The following LRRC4 variants were observed in gnomAD, a reference collection of about 807,000 sequenced individuals.
LRRC4 encodes the protein leucine-rich repeat-containing protein 4.
Under a neutral mutation model 37.9 loss-of-function variants are expected in LRRC4, and 11 were observed. The ratio of observed to expected loss-of-function variants is 0.29; its 90% confidence interval spans 0.18 to 0.48. The LOEUF (loss-of-function observed/expected upper bound fraction) is 0.48, where lower values mean the gene tolerates loss of function less well. LRRC4 is among the 20% of genes least tolerant of loss of function. The pLI is 0.99. For missense variants in LRRC4, 717 were observed against 842.1 expected (o/e 0.85, Z 1.84); for synonymous variants, 404 against 346.7 (o/e 1.17, Z -1.84).
chr7:128,030,146 G>GT lies in LRRC4; in HGVS notation c.494dup (p.Tyr165Ter). ...RNNPIESIPS[Y>*]AFNRVPSLMR... is the part of the protein sequence containing the mutation. ...TGAGGGAGGGCACCCGGTTGAAGGCGTAAGAGGGGATGCTTTCGATGGGGT... is the reference window on the plus strand; with the variant it reads ...TGAGGGAGGGCACCCGGTTGAAGGCGTTAAGAGGGGATGCTTTCGATGGGGT... Residue 165 changes from tyrosine to a stop codon, truncating the protein, a stop_gained and frameshift_variant, in exon 2 of 2, where the codon TAC becomes TAAC. Coordinates refer to ENST00000249363, the MANE Select transcript of LRRC4 (RefSeq NM_022143.5). LOFTEE classifies it high-confidence loss of function. 6.2e-7 allele frequency: 1 copy of GT among 1,614,214 alleles called. No individual in the cohort carries two copies. The highest frequency in any genetic ancestry group is 8.5e-7 in the Non-Finnish European group (1 of 1,180,042).
chr7:128,029,642 C>T lies in LRRC4; in HGVS notation c.999G>A (p.Met333Ile), dbSNP rs1231926311. 12 of 1,613,992 alleles carry T rather than the reference C, an allele frequency of 7.4e-6. No individual in the cohort carries two copies. Among genetic ancestry groups the T allele is most frequent in the Non-Finnish European group, 9.3e-6 (11 of 1,179,994 alleles). Residue 333 changes from methionine to isoleucine, a missense_variant, in exon 2 of 2, where the codon ATG (methionine) becomes ATA (isoleucine). By Grantham distance (10) the Met-to-Ile change is conservative. Coordinates refer to ENST00000249363, the MANE Select transcript of LRRC4 (RefSeq NM_022143.5). The surrounding 1 kb of genome is among the most constrained non-coding windows in gnomAD (Gnocchi z 4.2). The stretch of plus-strand genomic sequence containing the variant: ...CCACGAGGTAGCGGCCTCGCATGTG[C>T]ATGGGAGCATGACAGCGGCCACAGC... ...STCCGRCHAP[M>I]HMRGRYLVEV... is the part of the protein sequence containing the mutation.
In LRRC4 at chr7:128,030,622, C is replaced by A. The variant is rs1360377513; in HGVS notation, c.19G>T (p.Val7Leu). ...TTCCAGGTGTGGTGGTGCACAGTTA[C>A]CTGCCACAAGAGCTTCATGGTGTGG... MKLLWQ[V>L]TVHHHTWNAI... Residue 7 changes from valine to leucine, a missense_variant, in exon 2 of 2, where the codon GTA becomes TTA. By Grantham distance (32) the Val-to-Leu change is conservative (BLOSUM62 1). Around this residue, in one of 5 missense-constraint regions of LRRC4, gnomAD observed 127 missense variants for 134.8 expected, o/e 0.94. Transcript: ENST00000249363. 1.9e-6 allele frequency: 3 copies of A among 1,565,530 alleles called. No homozygotes were observed. In the South Asian group the frequency reaches 3.6e-5, roughly 19 times the overall value.
In LRRC4 at chr7:128,029,996, G is replaced by T; in HGVS notation, c.645C>A (p.Thr215=). 1 of 1,613,146 alleles carries T rather than the reference G, an allele frequency of 6.2e-7. No individual in the cohort carries two copies. Among genetic ancestry groups the T allele is most frequent in the Non-Finnish European group, 8.5e-7 (1 of 1,180,032 alleles). Residue 215 remains threonine (T), a synonymous_variant, in exon 2 of 2, where the codon ACC becomes ACA. Coordinates refer to ENST00000249363, the MANE Select transcript of LRRC4 (RefSeq NM_022143.5). This position sits in a 1 kb window ranked among gnomAD's most constrained non-coding sequence, Gnocchi z 4.2. ...MCNIKDMPNL[T]PLVGLEELEM... is the part of the protein sequence containing the mutation. ...CCAGCTCCTCCAGCCCCACCAGGGG[G>T]GTGAGATTGGGCATGTCTTTAATGT...
chr7:128,027,780 AT>A lies in LRRC4; in HGVS notation c.*898del, dbSNP rs1803520588. 1.3e-5 allele frequency: 2 copies of A among 152,174 alleles called. No homozygotes were observed. The highest frequency in any genetic ancestry group is 3.8e-4 in the East Asian group (2 of 5,196). 9.4% of individuals were successfully genotyped at this position (152,174 alleles called of 1,614,324 possible). A position where few individuals can be genotyped will look rare whatever the true frequency, so the allele number is the denominator to read the frequency against. ...CTAATTTATGGCCTCCTGTGAATAC[AT>A]TCTCTCTGCTTTACCCTCCCTTCCC... On this transcript the variant is annotated 3_prime_UTR_variant, in exon 2 of 2. Transcript: ENST00000249363.
chr7:128,030,608 G>A lies in LRRC4; in HGVS notation c.33C>T (p.His11=). 1 of 1,578,568 alleles carries A rather than the reference G, an allele frequency of 6.3e-7. No homozygotes were observed. Among genetic ancestry groups the A allele is most frequent in the Non-Finnish European group, 8.6e-7 (1 of 1,158,436 alleles). The change falls in exon 2 of 2, where the codon CAC becomes CAT. Residue 11 remains histidine, a synonymous_variant. Transcript: ENST00000249363. MKLLWQVTVH[H]HTWNAILLPF... ...GGAGCAGGATGGCATTCCAGGTGTG[G>A]TGGTGCACAGTTACCTGCCACAAGA... is the stretch of plus-strand genomic sequence containing the variant.
In LRRC4 at chr7:128,028,462, G is replaced by A; in HGVS notation, c.*217C>T. 2.1e-6 allele frequency: 1 copy of A among 466,390 alleles called. No individual in the cohort carries two copies. 28.9% of individuals were successfully genotyped at this position (466,390 alleles called of 1,614,324 possible). On this transcript the variant is annotated 3_prime_UTR_variant, in exon 2 of 2. Coordinates refer to ENST00000249363, the MANE Select transcript of LRRC4 (RefSeq NM_022143.5). The stretch of plus-strand genomic sequence containing the variant: ...GGCTTGTACCCCACAACGTTCCCAA[G>A]ATTCCCCCCCACCCCCTTTAAATAG...
At chr7:128,032,056 GCCACGCAGA>G (rs1792632241), upstream of LRRC4, 1 of 151,890 alleles carries the variant, frequency 6.6e-6, no homozygotes, top group African/African-American at 2.4e-5. Flanking sequence ...GCAGGCGGCA[GCCACGCAGA>G]CTGCTCTCTC....
upstream of LRRC4, among the ~76,000 whole-genome samples, chr7:128,031,783 C>A (rs1584751247): frequency 6.9e-6 from 1 of 145,590 alleles, no homozygotes; most frequent in Non-Finnish European, 1.5e-5. Context: ...CGCCCGTCGC[C>A]GCCCGCCGCT....
At chr7:128,031,497 A>C (rs1401251226), upstream of LRRC4, 3 of 150,982 alleles carry the variant, frequency 2.0e-5, no homozygotes, top group Non-Finnish European at 3.0e-5. Flanking sequence ...CGCCCTCCCC[A>C]GACACACACC....
chr7:128,028,997 A>G lies in LRRC4; in HGVS notation c.1644T>C (p.Tyr548=). The G allele has an allele frequency of 1.9e-6, 3 of 1,613,152 alleles. No homozygotes were observed. In the East Asian group the frequency reaches 6.7e-5, roughly 36 times the overall value. The change falls in exon 2 of 2, where the codon TAT becomes TAC. Residue 548 remains tyrosine, a synonymous_variant. Transcript: ENST00000249363. ...LLAAAMLIVF[Y]KLRKRHQQRS... Reference sequence around the variant, plus strand: ...GCTGCTGGTGCCGCTTACGAAGTTTATAGAAGACAATCAACATGGCGGCAG... The same window carrying G: ...GCTGCTGGTGCCGCTTACGAAGTTTGTAGAAGACAATCAACATGGCGGCAG...
Position 128,029,418 on chromosome 7 carries a change from G to A in LRRC4, c.1223C>T (p.Thr408Ile), listed in dbSNP as rs1322619380. The A allele has an allele frequency of 5.0e-6, 8 of 1,614,180 alleles. No individual in the cohort carries two copies. In the Admixed American group the frequency reaches 1.3e-4, roughly 27 times the overall value. ...HPRISVLNDG[T>I]LNFSHVLLSD... The stretch of plus-strand genomic sequence containing the variant: ...AAGCAGCACGTGGGAAAAGTTCAAG[G>A]TGCCGTCGTTGAGGACAGAGATCCT... Residue 408 changes from threonine (T) to isoleucine (I), a missense_variant, in exon 2 of 2, where the codon ACC becomes ATC. Thr to Ile is a moderately conservative substitution (Grantham distance 89, BLOSUM62 -1). Transcript: ENST00000249363. This position sits in a 1 kb window ranked among gnomAD's most constrained non-coding sequence, Gnocchi z 4.2.
rs1156618008 is a variant in LRRC4 at position 128,030,143 on chromosome 7, G to A, written c.498C>T (p.Ala166=). The A allele has an allele frequency of 6.8e-6, 11 of 1,614,106 alleles. No individual in the cohort carries two copies. The highest frequency in any genetic ancestry group is 4.5e-5 in the East Asian group (2 of 44,892). ...GCATGAGGGAGGGCACCCGGTTGAA[G>A]GCGTAAGAGGGGATGCTTTCGATGG... ...NNPIESIPSY[A]FNRVPSLMRL... The change falls in exon 2 of 2, where the codon GCC becomes GCT. Residue 166 remains alanine (A), a synonymous_variant. Transcript: ENST00000249363.
Position 128,029,189 on chromosome 7 carries a change from C to T in LRRC4, c.1452G>A (p.Gln484=), listed in dbSNP as rs1004638703. ...CCGTGGTAGAGGTGGTATATGCCGG[C>T]TGGTAACCAGTGGACGTGGTAGGAA... ...KPVPTTSTGY[Q]PAYTTSTTVL... The change falls in exon 2 of 2, where the codon CAG becomes CAA. Residue 484 remains glutamine (Q), a synonymous_variant. Transcript: ENST00000249363. The surrounding 1 kb of genome is among the most constrained non-coding windows in gnomAD (Gnocchi z 4.2). The T allele has an allele frequency of 3.1e-6, 5 of 1,614,120 alleles. No homozygotes were observed. The highest frequency in any genetic ancestry group is 4.2e-6 in the Non-Finnish European group (5 of 1,180,038).
At chr7:128,032,059 A>G (rs1792632295), upstream of LRRC4, 2 of 151,846 alleles carry the variant, frequency 1.3e-5, no homozygotes, top group Non-Finnish European at 2.9e-5. Context: ...GGCGGCAGCC[A>G]CGCAGACTGC....
rs925336287 is a variant in LRRC4, at chr7:128,031,266, G to A, written c.-454C>T. Among the ~76,000 whole-genome samples the A allele has an allele frequency of 6.6e-5, 10 of 152,002 alleles. No homozygotes were observed. The highest frequency in any genetic ancestry group is 2.4e-4 in the African/African-American group (10 of 41,420). ...CCTGGCACCGGCTCGCTCCAGCCGCGGGGGAAGGCGCTTCATCGCCAAAGT... is the reference window on the plus strand; with the variant it reads ...CCTGGCACCGGCTCGCTCCAGCCGCAGGGGAAGGCGCTTCATCGCCAAAGT... On this transcript the variant is annotated 5_prime_UTR_variant, in exon 1 of 2. Coordinates refer to ENST00000249363, the MANE Select transcript of LRRC4 (RefSeq NM_022143.5).
In LRRC4 at chr7:128,029,835, A is replaced by T; in HGVS notation, c.806T>A (p.Val269Glu). 1 of 1,613,568 alleles carries T rather than the reference A, an allele frequency of 6.2e-7. No individual in the cohort carries two copies. The highest frequency in any genetic ancestry group is 1.1e-5 in the South Asian group (1 of 91,084). ...RNAFDGLASL[V>E]ELNLAHNNLS... is the part of the protein sequence containing the mutation. ...GTTATTGTGGGCCAAGTTGAGTTCC[A>T]CAAGTGAAGCCAGCCCGTCAAAAGC... Residue 269 changes from valine (V) to glutamate (E), a missense_variant, in exon 2 of 2, where the codon GTG becomes GAG. Coordinates refer to ENST00000249363, the MANE Select transcript of LRRC4 (RefSeq NM_022143.5). This position sits in a 1 kb window ranked among gnomAD's most constrained non-coding sequence, Gnocchi z 4.2.
rs749404509 is a variant in LRRC4 at position 128,029,810 on chromosome 7, G to A, written c.831C>T (p.Asn277=). The A allele has an allele frequency of 9.3e-6, 15 of 1,613,640 alleles. No individual in the cohort carries two copies. Among genetic ancestry groups the A allele is most frequent in the East Asian group, 6.7e-5 (3 of 44,890 alleles). Residue 277 remains asparagine, a synonymous_variant, in exon 2 of 2, where the codon AAC becomes AAT. Transcript: ENST00000249363. The surrounding 1 kb of genome is among the most constrained non-coding windows in gnomAD (Gnocchi z 4.2). ...AGAGGTCATGGGGCAAAGAAGAGAG[G>A]TTATTGTGGGCCAAGTTGAGTTCCA... is the stretch of plus-strand genomic sequence containing the variant. The part of the protein sequence containing the change: ...SLVELNLAHN[N]LSSLPHDLFT...
Position 128,028,827 on chromosome 7 carries a change from A to T in LRRC4, c.1814T>A (p.Ile605Asn). 1 of 1,614,162 alleles carries T rather than the reference A, an allele frequency of 6.2e-7. No individual in the cohort carries two copies. The highest frequency in any genetic ancestry group is 8.5e-7 in the Non-Finnish European group (1 of 1,180,032). The change falls in exon 2 of 2, where the codon ATT becomes AAT. Residue 605 changes from isoleucine (I) to asparagine (N), a missense_variant. Ile to Asn is a moderately radical substitution (Grantham distance 149). Transcript: ENST00000249363. Reference sequence around the variant, plus strand: ...TGCTGGTTTGTAGGTGTTGTAGTTAATATGGTCATGAATTGTGGGCAGCAC... The same window carrying T: ...TGCTGGTTTGTAGGTGTTGTAGTTATTATGGTCATGAATTGTGGGCAGCAC... ...AVVLPTIHDH[I>N]NYNTYKPAHG...
At position 128,028,843 on chromosome 7, in the gene LRRC4, T is replaced by C. The variant is rs745799366; in HGVS notation, c.1798A>G (p.Thr600Ala). The C allele has an allele frequency of 1.2e-6, 2 of 1,614,162 alleles. No homozygotes were observed. The highest frequency in any genetic ancestry group is 1.7e-6 in the Non-Finnish European group (2 of 1,180,028). ...VSGEGAVVLP[T>A]IHDHINYNTY... ...TTGTAGTTAATATGGTCATGAATTG[T>C]GGGCAGCACTACTGCCCCCTCACCT... The change falls in exon 2 of 2, where the codon ACA (threonine) becomes GCA (alanine). Residue 600 changes from threonine to alanine, a missense_variant. This residue lies in a region of LRRC4 where 140 missense variants were observed against 137.2 expected (regional missense o/e 1.02). Coordinates refer to ENST00000249363, the MANE Select transcript of LRRC4 (RefSeq NM_022143.5).
Sources: allele counts gnomAD v4.1 joint callset (sites outside exome capture counted in the v4.1 genomes callset), GRCh38; gene constraint gnomAD v4.1.1; regional missense constraint gnomAD v4.1.1; non-coding constraint Gnocchi (gnomAD v3.1); transcripts MANE v1.5; gene names NCBI Gene and HGNC (gene_info 2026-07-23, HGNC 2026-07-21).